LRRC4C: variants seen among roughly 807,000 people sequenced by gnomAD.
LRRC4C encodes the protein leucine rich repeat containing 4C.
A neutral mutation model predicts 33.6 loss-of-function variants in LRRC4C; 5 were observed. The observed-to-expected ratio is 0.15, with a 90% CI of 0.08 to 0.31. LRRC4C has a LOEUF of 0.31. LRRC4C is among the 10% of genes least tolerant of loss of function. The pLI, the probability that LRRC4C is intolerant of heterozygous loss-of-function variation, is 1.00. For synonymous variants in LRRC4C, 329 were observed against 302.0 expected, an observed-to-expected ratio of 1.09 and a Z score of -0.93; for missense variants, 560 against 796.7, an observed-to-expected ratio of 0.70 and a Z score of 3.58.
intron 3 of LRRC4C, among the ~76,000 whole-genome samples, chr11:40,602,712 T>G (rs1463108416): frequency 6.6e-6 from 1 of 152,206 alleles, no homozygotes; most frequent in Non-Finnish European, 1.5e-5. Context: ...GGACTGGATC[T>G]TATAACAATT....
chr11:40,650,086 T>G (rs1164725200), intron 2 of LRRC4C, among the ~76,000 whole-genome samples: 1 of 152,192 alleles, frequency 6.6e-6, no homozygotes, highest in Non-Finnish European at 1.5e-5. Flanking sequence ...ATTTTGGCAC[T>G]AGGCTAATGA....
intron 3 of LRRC4C, among the ~76,000 whole-genome samples, chr11:40,603,157 C>T (rs1172067025): frequency 1.3e-5 from 2 of 152,152 alleles, no homozygotes; most frequent in African/African-American, 4.8e-5. Flanking sequence ...AATGCAGATA[C>T]AGTCATTTGA....
At chr11:41,168,497 T>C (rs148638100) in intron 1 of LRRC4C, among the ~76,000 whole-genome samples, 32 of 152,296 alleles carry the variant, frequency 2.1e-4, no homozygotes, top group African/African-American at 6.7e-4. Flanking sequence ...CATCTAAGAA[T>C]TGTTTTCAAT....
chr11:40,429,615 G>C (rs1950843652), intron 3 of LRRC4C, among the ~76,000 whole-genome samples: 1 of 151,488 alleles, frequency 6.6e-6, no homozygotes, highest in South Asian at 2.1e-4. Context: ...GATTTCTAAA[G>C]GTGAGAATAT....
intron 2 of LRRC4C, among the ~76,000 whole-genome samples, chr11:40,885,836 T>G (rs1465688676): frequency 2.0e-5 from 3 of 152,132 alleles, no homozygotes; most frequent in African/African-American, 7.2e-5. Flanking sequence ...TAAATACTTA[T>G]TAAAGGCATT....
intron 1 of LRRC4C, among the ~76,000 whole-genome samples, chr11:40,984,411 GAAAGAGAA>G (rs1456561003): frequency 2.4e-5 from 2 of 83,738 alleles, no homozygotes; most frequent in African/African-American, 7.6e-5. Context: ...AAGAAAGAAA[GAAAGAGAA>G]AGAAAGAAAG....
chr11:40,903,423 C>A (rs182787473), intron 2 of LRRC4C, among the ~76,000 whole-genome samples: 2 of 152,320 alleles, frequency 1.3e-5, no homozygotes, highest in East Asian at 3.9e-4. Context: ...ATCATCCATT[C>A]TGCAACCCAT....
At chr11:41,200,687 C>T (rs186652572) in intron 1 of LRRC4C, among the ~76,000 whole-genome samples, 4 of 152,260 alleles carry the variant, frequency 2.6e-5, no homozygotes, top group South Asian at 2.1e-4. Context: ...CTACCGTCAT[C>T]GAGTTTATCT....
intron 1 of LRRC4C, among the ~76,000 whole-genome samples, chr11:40,956,689 G>C (rs1031874114): frequency 6.6e-6 from 1 of 151,620 alleles, no homozygotes; most frequent in Non-Finnish European, 1.5e-5. Flanking sequence ...CAAAAATCTT[G>C]ATTTATCTCT....
chr11:40,731,102 G>A (rs1227096939), intron 2 of LRRC4C, among the ~76,000 whole-genome samples: 3 of 152,172 alleles, frequency 2.0e-5, no homozygotes, highest in African/African-American at 4.8e-5. Flanking sequence ...GGCGGATCAC[G>A]AGGTCAGGAG....
chr11:40,549,221 T>G (rs923766933), intron 3 of LRRC4C, among the ~76,000 whole-genome samples: 1 of 152,166 alleles, frequency 6.6e-6, no homozygotes, highest in African/African-American at 2.4e-5. Context: ...GATATGTAGC[T>G]TATGATACAA....
intron 3 of LRRC4C, among the ~76,000 whole-genome samples, chr11:40,386,313 G>T (rs1386172701): frequency 6.6e-6 from 1 of 152,054 alleles, no homozygotes; most frequent in East Asian, 1.9e-4. Flanking sequence ...GAATATAATA[G>T]AACTTCTTGA....
chr11:40,143,581 C>T (rs138937941), intron 5 of LRRC4C, among the ~76,000 whole-genome samples: 4 of 152,246 alleles, frequency 2.6e-5, no homozygotes, highest in African/African-American at 4.8e-5. Flanking sequence ...TACACCTGCA[C>T]TCCATGACAA....
At chr11:40,489,564 C>T (rs1019992952) in intron 3 of LRRC4C, among the ~76,000 whole-genome samples, 2 of 151,906 alleles carry the variant, frequency 1.3e-5, no homozygotes, top group Admixed American at 6.6e-5. Context: ...TTGTTATTTC[C>T]GTCTCTGTAG....
At chr11:41,115,176 CTG>C (rs1003009143) in intron 1 of LRRC4C, among the ~76,000 whole-genome samples, 3 of 152,072 alleles carry the variant, frequency 2.0e-5, no homozygotes, top group African/African-American at 7.2e-5. Context: ...AAAGAACAAA[CTG>C]TAACTACATT....
intron 1 of LRRC4C, among the ~76,000 whole-genome samples, chr11:41,145,126 A>G (rs1943672245): frequency 6.6e-6 from 1 of 152,170 alleles, no homozygotes. Flanking sequence ...ACCTCAATAC[A>G]TGTTAACATT....
At chr11:41,314,533 G>C (rs1047538728) in intron 1 of LRRC4C, among the ~76,000 whole-genome samples, 1 of 152,102 alleles carries the variant, frequency 6.6e-6, no homozygotes, top group African/African-American at 2.4e-5. Flanking sequence ...AGACCCTCTT[G>C]AGCTATCTGT....
chr11:41,102,170 G>T (rs879874090), intron 1 of LRRC4C, among the ~76,000 whole-genome samples: 3 of 152,022 alleles, frequency 2.0e-5, no homozygotes, highest in Non-Finnish European at 2.9e-5. Context: ...ATATTACTCT[G>T]CACACTTGCT....
intron 5 of LRRC4C, among the ~76,000 whole-genome samples, chr11:40,163,459 C>T (rs1371702963): frequency 6.6e-6 from 1 of 152,112 alleles, no homozygotes; most frequent in African/African-American, 2.4e-5. Context: ...AAGACATTTG[C>T]TGGCAAGGTA....
Sources: gnomAD v4.1 joint callset for allele counts (sites outside exome capture counted in the v4.1 genomes callset) on GRCh38, gnomAD v4.1.1 for gene constraint, MANE v1.5 for transcripts, NCBI Gene and HGNC (gene_info 2026-07-23, HGNC 2026-07-21) for gene names.